Variants in NCF2 observed in about 807,000 individuals in gnomAD.
NCF2 encodes the protein neutrophil cytosolic factor 2.
In NCF2, 45 loss-of-function variants were observed where a neutral mutation model predicts 70.9. The ratio of observed to expected loss-of-function variants is 0.63; its 90% confidence interval spans 0.50 to 0.81. The LOEUF is 0.81. Ranked by LOEUF, NCF2 falls within the 40% of genes least tolerant of loss-of-function variation. NCF2 has a pLI of 0.00. For synonymous variants in NCF2, 203 were observed against 233.6 expected, an observed-to-expected ratio of 0.87 and a Z score of 1.19; for missense variants, 522 against 631.6, an observed-to-expected ratio of 0.83 and a Z score of 1.86.
chr1:183,572,969 C>T (rs565886350), intron 5 of NCF2, among the ~76,000 whole-genome samples: 1 of 152,290 alleles, frequency 6.6e-6, no homozygotes, highest in African/African-American at 2.4e-5. Flanking sequence ...CACCCAGGGT[C>T]GAGCTGGAAG....
At chr1:183,590,594 G>A (rs1558109587), upstream of NCF2, 1 of 530,234 alleles carries the variant, frequency 1.9e-6, no homozygotes, top group Non-Finnish European at 3.4e-6. Context: ...GGGCGAGTAG[G>A]GGTGGAGTGT....
At chr1:183,560,472 A>T (rs1412585034) in intron 13 of NCF2, among the ~76,000 whole-genome samples, 199 bp from the exon 14 acceptor site, 1 of 152,186 alleles carries the variant, frequency 6.6e-6, no homozygotes, top group Non-Finnish European at 1.5e-5. Flanking sequence ...CCTTTTTGGC[A>T]CGAGGGACCA....
At position 183,555,907 on chromosome 1, in the gene NCF2, T is replaced by G; in HGVS notation, c.*211A>C. 1.6e-6 allele frequency: 1 copy of G among 611,592 alleles called. No individual in the cohort carries two copies. The highest frequency in any genetic ancestry group is 2.7e-5 in the Admixed American group (1 of 37,348). The allele number at this position is 611,592 out of a possible 1,614,324, so 37.9% of individuals were successfully genotyped here. A position where few individuals can be genotyped will look rare whatever the true frequency, so the allele number is the denominator to read the frequency against. On this transcript the variant is annotated 3_prime_UTR_variant, in exon 15 of 15. Transcript: ENST00000367535. ...CTTTTCCTCTCCCCTAACTCCTCCA[T>G]TCACCTGTCCCCATCTCCTCACCCA... is the stretch of plus-strand genomic sequence containing the variant.
chr1:183,562,584 C>T (rs1264298105), intron 13 of NCF2, among the ~76,000 whole-genome samples: 2 of 152,128 alleles, frequency 1.3e-5, no homozygotes, highest in African/African-American at 4.8e-5. Flanking sequence ...TCTGTAATCC[C>T]AGCACTTTGG....
chr1:183,600,859 T>G, the NCF2 span, among the ~76,000 whole-genome samples: 19 of 152,244 alleles, frequency 1.2e-4, no homozygotes, highest in Middle Eastern at 6.8e-3. Flanking sequence ...ACTTGAGAGG[T>G]TGACAGCACA....
At chr1:183,575,333 G>A (rs989779967) in intron 3 of NCF2, among the ~76,000 whole-genome samples, 2 of 152,208 alleles carry the variant, frequency 1.3e-5, no homozygotes, top group East Asian at 3.8e-4. Context: ...AGCTGGGCAT[G>A]GTGGCAGGCA....
At chr1:183,576,553 T>C (rs964659916) in intron 3 of NCF2, among the ~76,000 whole-genome samples, 1 of 152,200 alleles carries the variant, frequency 6.6e-6, no homozygotes, top group East Asian at 1.9e-4. Flanking sequence ...CTCTCTCGCC[T>C]CTGCTACAAT....
chr1:183,564,097 CCA>C lies in NCF2; in HGVS notation c.1001-69_1001-68del, dbSNP rs1003046686. 9 of 1,482,028 alleles carry C rather than the reference CCA, an allele frequency of 6.1e-6. No homozygotes were observed. In the African/African-American group the frequency reaches 8.3e-5, roughly 14 times the overall value. The allele number at this position is 1,482,028 out of a possible 1,614,324, so 91.8% of individuals were successfully genotyped here. A position where few individuals can be genotyped will look rare whatever the true frequency, so the allele number is the denominator to read the frequency against. On this transcript the variant is annotated intron_variant, in intron 10 of 14. Coordinates refer to ENST00000367535, the MANE Select transcript of NCF2 (RefSeq NM_000433.4). ...AATGAACATCCTTGGCCAGCCCCTG[CCA>C]CACACAGATGAAACCTCTTCAAATA... is the stretch of plus-strand genomic sequence containing the variant.
At position 183,565,612 on chromosome 1, in the gene NCF2, C is replaced by A; in HGVS notation, c.1000+92G>T. The A allele has an allele frequency of 1.5e-6, 2 of 1,324,098 alleles. 1 individual carries two copies. Among genetic ancestry groups the A allele is most frequent in the South Asian group, 2.4e-5 (2 of 84,946 alleles). The allele number at this position is 1,324,098 out of a possible 1,614,324, so 82.0% of individuals were successfully genotyped here. A position where few individuals can be genotyped will look rare whatever the true frequency, so the allele number is the denominator to read the frequency against. On this transcript the variant is annotated intron_variant, in intron 10 of 14. Coordinates refer to ENST00000367535, the MANE Select transcript of NCF2 (RefSeq NM_000433.4). ...GTGACATGTTGGGAGAAGAAGAAACCAGAATTTCCTGGAAGGCAGGGAGAG... is the reference window on the plus strand; with the variant it reads ...GTGACATGTTGGGAGAAGAAGAAACAAGAATTTCCTGGAAGGCAGGGAGAG...
upstream of NCF2, among the ~76,000 whole-genome samples, chr1:183,595,195 A>C (rs779546282): frequency 6.6e-6 from 1 of 152,210 alleles, no homozygotes; most frequent in Non-Finnish European, 1.5e-5. Flanking sequence ...AGATAGTTTC[A>C]TTGAGTACAA....
Position 183,577,715 on chromosome 1 carries a change from A to G in NCF2, c.258-8T>C, listed in dbSNP as rs972260470. ...TTGATAGCCAAATCATATCTGCAGG[A>G]CAGAGGGAGAAAATACAGCAGTCTA... is the stretch of plus-strand genomic sequence containing the variant. On this transcript the variant is annotated splice_region_variant and splice_polypyrimidine_tract_variant and intron_variant, in intron 2 of 14. Transcript: ENST00000367535. The G allele has an allele frequency of 1.9e-6, 3 of 1,583,390 alleles. No individual in the cohort carries two copies. Among genetic ancestry groups the G allele is most frequent in the African/African-American group, 1.3e-5 (1 of 74,202 alleles).
At chr1:183,589,507 T>C (rs1489882608) in intron 1 of NCF2, among the ~76,000 whole-genome samples, 1 of 152,138 alleles carries the variant, frequency 6.6e-6, no homozygotes, top group African/African-American at 2.4e-5. Flanking sequence ...AAAATAATTA[T>C]CGAGAATGCT....
chr1:183,562,355 G>A (rs1310217507), intron 13 of NCF2, among the ~76,000 whole-genome samples: 1 of 152,096 alleles, frequency 6.6e-6, no homozygotes, highest in Non-Finnish European at 1.5e-5. Context: ...AAAACCTAGA[G>A]TGACTTTTCA....
At chr1:183,592,532 G>A (rs1417173857), upstream of NCF2, among the ~76,000 whole-genome samples, 1 of 152,084 alleles carries the variant, frequency 6.6e-6, no homozygotes, top group Non-Finnish European at 1.5e-5. Context: ...AGGATCTCTA[G>A]CACAGATACT....
intron 5 of NCF2, among the ~76,000 whole-genome samples, chr1:183,572,970 G>A (rs980756933): frequency 2.0e-5 from 3 of 152,198 alleles, no homozygotes; most frequent in East Asian, 1.9e-4. Context: ...ACCCAGGGTC[G>A]AGCTGGAAGG....
At chr1:183,591,145 C>T (rs1237382534), upstream of NCF2, among the ~76,000 whole-genome samples, 1 of 152,214 alleles carries the variant, frequency 6.6e-6, no homozygotes, top group Admixed American at 6.5e-5. Flanking sequence ...CTCAATAAAA[C>T]TCCCCACCCA....
intron 14 of NCF2, among the ~76,000 whole-genome samples, chr1:183,559,731 C>T (rs886145374): frequency 2.0e-5 from 3 of 152,014 alleles, no homozygotes; most frequent in Admixed American, 6.6e-5. Context: ...TGGTGGTGGG[C>T]GCCTGTAATC....
upstream of NCF2, among the ~76,000 whole-genome samples, chr1:183,591,061 C>T (rs4987079): frequency 0.1 from 15,242 of 152,272 alleles, 859 homozygotes; most frequent in Admixed American, 0.16. Flanking sequence ...CTCACCCGCA[C>T]TGGGGGGACT....
chr1:183,567,052 C>T, intron 8 of NCF2, 64 bp from the exon 9 acceptor site: 4 of 1,610,014 alleles, frequency 2.5e-6, no homozygotes, highest in Non-Finnish European at 3.4e-6. Context: ...GTACCCACAC[C>T]ACAGAACAGC....
Sources: gnomAD v4.1 joint callset for allele counts (sites outside exome capture counted in the v4.1 genomes callset) on GRCh38, gnomAD v4.1.1 for gene constraint, MANE v1.5 for transcripts, NCBI Gene and HGNC (gene_info 2026-07-23, HGNC 2026-07-21) for gene names.